The following GMDS variants were observed in gnomAD, a reference collection of about 807,000 sequenced individuals.
The protein encoded by GMDS is GDP-mannose 4,6-dehydratase.
GMDS carries 20 observed loss-of-function variants against 49.9 expected under a neutral mutation model. The ratio of observed to expected loss-of-function variants is 0.40; its 90% CI spans 0.28 to 0.58. The LOEUF (loss-of-function observed/expected upper bound fraction) is 0.58. Ranked by LOEUF, GMDS falls within the 20% of genes least tolerant of loss-of-function variation. GMDS has a pLI of 0.42. For synonymous variants in GMDS, 177 were observed against 178.6 expected (o/e 0.99, Z 0.07); for missense variants, 362 against 481.4 (o/e 0.75, Z 2.32).
intron 4 of GMDS, among the ~76,000 whole-genome samples, chr6:2,070,523 C>T (rs1771927548): frequency 1.3e-5 from 2 of 152,096 alleles, no homozygotes; most frequent in African/African-American, 2.4e-5. Flanking sequence ...GATGAGGTCA[C>T]AAGAGCTGGG....
chr6:2,019,690 T>C (rs62390709), intron 4 of GMDS, among the ~76,000 whole-genome samples: 39,790 of 152,054 alleles, frequency 0.26, 5,239 homozygotes, highest in South Asian at 0.3. Context: ...CCTCAGGTGA[T>C]CCACCTGCCT....
At chr6:2,229,838 A>G (rs1465346236) in intron 1 of GMDS, among the ~76,000 whole-genome samples, 1 of 152,196 alleles carries the variant, frequency 6.6e-6, no homozygotes, top group East Asian at 1.9e-4. Flanking sequence ...TGGTTGCTCT[A>G]CCTGAAGAAT....
At chr6:1,883,846 G>A (rs772156268) in intron 7 of GMDS, among the ~76,000 whole-genome samples, 2 of 152,020 alleles carry the variant, frequency 1.3e-5, no homozygotes, top group Admixed American at 6.5e-5. Flanking sequence ...CTTTGTTTCA[G>A]TATTAACCAA....
chr6:2,241,253 T>C (rs1781602434), intron 1 of GMDS, among the ~76,000 whole-genome samples: 1 of 152,144 alleles, frequency 6.6e-6, no homozygotes, highest in African/African-American at 2.4e-5. Context: ...AACCATTGTA[T>C]CTTGGAAAAA....
chr6:1,929,821 T>A (rs1242062208), intron 7 of GMDS, among the ~76,000 whole-genome samples: 1 of 152,220 alleles, frequency 6.6e-6, no homozygotes, highest in African/African-American at 2.4e-5. Flanking sequence ...ATTCAAACAC[T>A]TTTTCCATCT....
At chr6:2,025,068 G>A (rs1021361968) in intron 4 of GMDS, among the ~76,000 whole-genome samples, 2 of 151,880 alleles carry the variant, frequency 1.3e-5, no homozygotes, top group African/African-American at 4.8e-5. Context: ...AAACTATAAT[G>A]GCAGTGAGAG....
At chr6:1,941,310 G>T (rs1180698198) in intron 6 of GMDS, among the ~76,000 whole-genome samples, 3 of 152,046 alleles carry the variant, frequency 2.0e-5, no homozygotes, top group Admixed American at 6.6e-5. Context: ...AGACCACCAA[G>T]AAAGGAATGT....
rs2745565 is a variant in GMDS, at chr6:1,646,757, T to G, written c.988-22217A>C. On this transcript the variant is annotated intron_variant, in intron 9 of 10. Coordinates refer to ENST00000380815, the MANE Select transcript of GMDS (RefSeq NM_001500.4). ...ATTTTTTTCCACCTATATCCTGCAT[T>G]CAGGAAAAGTCAGATTAACCAGGAA... 6.2e-3 allele frequency among the ~76,000 whole-genome samples: 949 copies of G among 152,256 alleles called. 9 individuals are homozygous for G. Among genetic ancestry groups the G allele is most frequent in the African/African-American group, 0.022 (894 of 41,546 alleles).
In GMDS at chr6:1,778,707, T is replaced by C. The variant is rs1040680497; in HGVS notation, c.772-36121A>G. ...TTTTGTCTGTCACTGGAGGGAACTT[T>C]CCCTTCCTGCCAGCCAGGAAAAAGC... On this transcript the variant is annotated intron_variant, in intron 7 of 10. Transcript: ENST00000380815. This position sits in a 1 kb window ranked among gnomAD's most constrained non-coding sequence, Gnocchi z 4.6. Among the ~76,000 whole-genome samples the C allele has an allele frequency of 6.6e-6, 1 of 152,094 alleles. No homozygotes were observed. The highest frequency in any genetic ancestry group is 2.4e-5 in the African/African-American group (1 of 41,368).
intron 9 of GMDS, among the ~76,000 whole-genome samples, chr6:1,628,854 CT>C (rs1214696408): frequency 3.3e-5 from 5 of 152,162 alleles, no homozygotes; most frequent in Admixed American, 3.3e-4. Flanking sequence ...GCTTAATATT[CT>C]TTTTTTCCCT....
intron 7 of GMDS, among the ~76,000 whole-genome samples, chr6:1,763,205 T>G (rs549360378): frequency 6.6e-6 from 1 of 152,356 alleles, no homozygotes; most frequent in Non-Finnish European, 1.5e-5. Flanking sequence ...TCCAGAAACG[T>G]GAAAAGAAAC....
At chr6:2,163,012 T>G (rs73420706) in intron 1 of GMDS, among the ~76,000 whole-genome samples, 16,677 of 152,172 alleles carry the variant, frequency 0.11, 3,024 homozygotes, top group African/African-American at 0.38. Context: ...TCTAGACAGC[T>G]CTCTCATTTT....
At chr6:1,651,718 C>G (rs1483612414) in intron 9 of GMDS, among the ~76,000 whole-genome samples, 1 of 152,158 alleles carries the variant, frequency 6.6e-6, no homozygotes, top group Non-Finnish European at 1.5e-5. Flanking sequence ...GATCTCCGTG[C>G]CAACCTCTCC....
intron 9 of GMDS, among the ~76,000 whole-genome samples, chr6:1,717,836 A>G (rs1441440655): frequency 6.6e-6 from 1 of 152,186 alleles, no homozygotes; most frequent in Non-Finnish European, 1.5e-5. Flanking sequence ...AAGCCCTTTC[A>G]TCTTTAAGAA....
In GMDS at chr6:2,185,795, A is replaced by G. The variant is rs558247485; in HGVS notation, c.102+59526T>C. On this transcript the variant is annotated intron_variant, in intron 1 of 10. Transcript: ENST00000380815. Reference sequence around the variant, plus strand: ...AGCTTGTGATTAAAATAAGGTCCCCATTCAGAACACATCAGCCTCGTCTAT... The same window carrying G: ...AGCTTGTGATTAAAATAAGGTCCCCGTTCAGAACACATCAGCCTCGTCTAT... 5.2e-4 allele frequency among the ~76,000 whole-genome samples: 79 copies of G among 152,290 alleles called. 1 individual carries two copies. The highest frequency in any genetic ancestry group is 1.9e-3 in the African/African-American group (77 of 41,566).
At chr6:1,806,148 A>C (rs537801677) in intron 7 of GMDS, among the ~76,000 whole-genome samples, 1 of 152,264 alleles carries the variant, frequency 6.6e-6, no homozygotes, top group African/African-American at 2.4e-5. Flanking sequence ...AAAAGCTTTA[A>C]AAAGGTATCT....
intron 4 of GMDS, among the ~76,000 whole-genome samples, chr6:1,975,730 C>A (rs1019069375): frequency 2.6e-5 from 4 of 152,198 alleles, no homozygotes; most frequent in Non-Finnish European, 5.9e-5. Flanking sequence ...TCAAATTGGA[C>A]CATTTGAAGA....
chr6:1,778,672 A>G lies in GMDS; in HGVS notation c.772-36086T>C, dbSNP rs1768942912. Reference sequence around the variant, plus strand: ...CCTCTGAAGGCCTAGACTTGCCCCAAATCCATTATTTTTGTCTGTCACTGG... The same window carrying G: ...CCTCTGAAGGCCTAGACTTGCCCCAGATCCATTATTTTTGTCTGTCACTGG... On this transcript the variant is annotated intron_variant, in intron 7 of 10. Transcript: ENST00000380815. This position sits in a 1 kb window ranked among gnomAD's most constrained non-coding sequence, Gnocchi z 4.6. Among the ~76,000 whole-genome samples, 1 of 152,056 alleles carries G rather than the reference A, an allele frequency of 6.6e-6. No homozygotes were observed. Among genetic ancestry groups the G allele is most frequent in the African/African-American group, 2.4e-5 (1 of 41,398 alleles).
At chr6:2,087,387 G>T (rs1562042582) in intron 4 of GMDS, among the ~76,000 whole-genome samples, 2 of 152,148 alleles carry the variant, frequency 1.3e-5, no homozygotes, top group African/African-American at 4.8e-5. Flanking sequence ...GCCTCAAAAT[G>T]TAACAAATTA....
Sources: allele counts gnomAD v4.1 joint callset (sites outside exome capture counted in the v4.1 genomes callset), GRCh38; gene constraint gnomAD v4.1.1; non-coding constraint Gnocchi (gnomAD v3.1); transcripts MANE v1.5; gene names NCBI Gene and HGNC (gene_info 2026-07-23, HGNC 2026-07-21).